MEF2C: variants seen among roughly 807,000 people sequenced by gnomAD.
MEF2C encodes the protein myocyte enhancer factor 2C.
MEF2C carries 6 observed loss-of-function variants against 50.5 expected under a neutral mutation model. The ratio of observed to expected loss-of-function variants is 0.12; its 90% CI spans 0.07 to 0.23. MEF2C has a LOEUF of 0.23. MEF2C is among the 10% of genes least tolerant of loss of function. The pLI is 1.00. For missense variants in MEF2C, 276 were observed against 605.0 expected (o/e 0.46, Z 5.70); for synonymous variants, 183 against 228.0 (o/e 0.80, Z 1.78).
At chr5:88,766,739 G>A in intron 3 of MEF2C, 9 of 985,118 alleles carry the variant, frequency 9.1e-6, no homozygotes, top group Non-Finnish European at 1.1e-5. Flanking sequence ...TGTTGCATAG[G>A]TAGTGTGATC....
chr5:88,846,898 C>T (rs571369624), intron 1 of MEF2C, among the ~76,000 whole-genome samples: 23 of 152,272 alleles, frequency 1.5e-4, no homozygotes, highest in African/African-American at 5.3e-4. Flanking sequence ...GAAAATTGAA[C>T]CATTTTTGAA....
intron 10 of MEF2C, among the ~76,000 whole-genome samples, 198 bp from the exon 11 acceptor site, chr5:88,723,123 T>C (rs897744166): frequency 2.0e-5 from 3 of 152,230 alleles, no homozygotes; most frequent in African/African-American, 7.2e-5. Flanking sequence ...TGCCCGGTAG[T>C]AATTACAGCA....
chr5:88,749,252 G>T, intron 5 of MEF2C, 135 bp from the exon 6 acceptor site: 1 of 1,223,374 alleles, frequency 8.2e-7, no homozygotes, highest in Non-Finnish European at 1.1e-6. Context: ...AAGTCAGATG[G>T]CTGACATTTG....
chr5:88,766,430 A>C (rs1780079144), intron 3 of MEF2C, among the ~76,000 whole-genome samples: 1 of 152,218 alleles, frequency 6.6e-6, no homozygotes, highest in African/African-American at 2.4e-5. Flanking sequence ...TTCTTTCAAA[A>C]ATTATCTCGT....
chr5:88,889,714 G>T (rs1834328473), intron 1 of MEF2C, among the ~76,000 whole-genome samples: 1 of 152,164 alleles, frequency 6.6e-6, no homozygotes. Context: ...GGGCTCTGGG[G>T]AATGGAGGAG....
At chr5:88,763,995 T>C (rs967856354) in intron 3 of MEF2C, among the ~76,000 whole-genome samples, 2 of 152,214 alleles carry the variant, frequency 1.3e-5, no homozygotes, top group African/African-American at 4.8e-5. Flanking sequence ...CCTTCCATAA[T>C]GTTAATTTAT....
intron 3 of MEF2C, among the ~76,000 whole-genome samples, chr5:88,762,316 C>G (rs574332923): frequency 6.6e-6 from 1 of 152,164 alleles, no homozygotes; most frequent in South Asian, 2.1e-4. Flanking sequence ...TTTGCTCTGT[C>G]GCCCAGGCTG....
chr5:88,874,971 T>C (rs1429936052), intron 1 of MEF2C, among the ~76,000 whole-genome samples: 3 of 151,936 alleles, frequency 2.0e-5, no homozygotes, highest in African/African-American at 7.2e-5. Flanking sequence ...TGATTGCACC[T>C]CATACAAATG....
intron 3 of MEF2C, among the ~76,000 whole-genome samples, chr5:88,779,307 T>G (rs1277274920): frequency 2.0e-5 from 3 of 152,152 alleles, no homozygotes; most frequent in Admixed American, 6.6e-5. Context: ...GTTCAAAGTC[T>G]GCTTCCATGA....
chr5:88,843,749 A>G (rs1162213971), intron 1 of MEF2C, among the ~76,000 whole-genome samples: 2 of 151,932 alleles, frequency 1.3e-5, no homozygotes, highest in East Asian at 3.9e-4. Context: ...GAAGAAATAA[A>G]TTTGAAAATT....
chr5:88,779,928 T>C (rs896495357), intron 3 of MEF2C, among the ~76,000 whole-genome samples: 3 of 152,000 alleles, frequency 2.0e-5, no homozygotes, highest in Non-Finnish European at 4.4e-5. Context: ...GTGGGTCACT[T>C]GAGGTCAGGA....
At chr5:88,874,227 G>A (rs551558620) in intron 1 of MEF2C, among the ~76,000 whole-genome samples, 13 of 151,926 alleles carry the variant, frequency 8.6e-5, no homozygotes, top group African/African-American at 1.9e-4. Flanking sequence ...GCAAGATAGC[G>A]AATTTTCTAT....
rs2151984879 is a variant in MEF2C at position 88,718,518 on chromosome 5, A to G, written c.*4086T>C. The G allele has an allele frequency of 6.6e-6, 1 of 152,332 alleles. No homozygotes were observed. Among genetic ancestry groups the G allele is most frequent in the African/African-American group, 2.4e-5 (1 of 41,582 alleles). 9.4% of individuals were successfully genotyped at this position (152,332 alleles called of 1,614,324 possible). ...AAGCGATTTTAATTACTCTCATTTA[A>G]TGGAAACAAGTCCCCAGGAAAAGAA... On this transcript the variant is annotated 3_prime_UTR_variant, in exon 11 of 11. Transcript: ENST00000504921.
chr5:88,765,129 C>T (rs530211603), intron 3 of MEF2C, among the ~76,000 whole-genome samples: 129 of 152,242 alleles, frequency 8.5e-4, no homozygotes, highest in South Asian at 1.5e-3. Context: ...TTGTATCTGA[C>T]TGCATTATCT....
At chr5:88,879,727 CAT>C (rs1441185625) in intron 1 of MEF2C, among the ~76,000 whole-genome samples, 1 of 152,058 alleles carries the variant, frequency 6.6e-6, no homozygotes, top group Non-Finnish European at 1.5e-5. Context: ...TAAAAAAGGA[CAT>C]GTTTTCTCTT....
chr5:88,781,873 T>C lies in MEF2C; in HGVS notation c.259-20545A>G, dbSNP rs528360807. Among the ~76,000 whole-genome samples the C allele has an allele frequency of 7.2e-5, 11 of 152,258 alleles. No homozygotes were observed. In the South Asian group the frequency reaches 2.1e-3, roughly 29 times the overall value. The stretch of plus-strand genomic sequence containing the variant: ...CTGTAGTCCCAGCTACTCGGGAGAC[T>C]GAGGCAGGAGAATTGCTTGAGCCCA... On this transcript the variant is annotated intron_variant, in intron 3 of 10. Transcript: ENST00000504921.
upstream of MEF2C, chr5:88,883,337 A>AAGG (rs567979916): frequency 7.8e-3 from 1,181 of 151,608 alleles, 7 homozygotes; most frequent in Non-Finnish European, 0.011. Context: ...GGAGGAAGAG[A>AAGG]AGGAGGAGGA....
Position 88,801,213 on chromosome 5 carries a change from A to G in MEF2C, c.258+3385T>C, listed in dbSNP as rs190398225. Among the ~76,000 whole-genome samples, 223 of 152,284 alleles carry G rather than the reference A, an allele frequency of 1.5e-3. 1 individual carries two copies. The highest frequency in any genetic ancestry group is 2.3e-3 in the Non-Finnish European group (156 of 68,018). ...TTTTAGAGGGTTAAGGAAGAGGGGT[A>G]ATGGTCCAAATGGGAAATATAAAAC... On this transcript the variant is annotated intron_variant, in intron 3 of 10. Transcript: ENST00000504921.
chr5:88,753,943 T>C (rs1178641400), intron 4 of MEF2C, among the ~76,000 whole-genome samples: 1 of 152,212 alleles, frequency 6.6e-6, no homozygotes, highest in Non-Finnish European at 1.5e-5. Context: ...AATATTGTAT[T>C]TCTTCATTAA....
Sources: allele counts gnomAD v4.1 joint callset (sites outside exome capture counted in the v4.1 genomes callset), GRCh38; gene constraint gnomAD v4.1.1; transcripts MANE v1.5; gene names NCBI Gene and HGNC (gene_info 2026-07-23, HGNC 2026-07-21).